Variants in PARN observed in about 807,000 individuals in gnomAD.
PARN encodes the protein poly(A)-specific ribonuclease.
In PARN, 71 loss-of-function variants were observed where a neutral mutation model predicts 102.8. The ratio of observed to expected loss-of-function variants is 0.69; its 90% CI spans 0.57 to 0.84. The LOEUF is 0.84. Among genes scored for constraint, PARN ranks in the 40% least tolerant of loss-of-function variants. The pLI is 0.00. For missense variants in PARN, 782 were observed against 760.9 expected (o/e 1.03, Z -0.33); for synonymous variants, 261 against 252.9 (o/e 1.03, Z -0.30).
intron 8 of PARN, 61 bp from the exon 9 acceptor site, chr16:14,608,380 A>C (rs1374040350): frequency 9.5e-7 from 1 of 1,057,160 alleles, no homozygotes; most frequent in Non-Finnish European, 1.4e-6. Context: ...CAAACTGATC[A>C]AGCATTTGTT....
intron 23 of PARN, among the ~76,000 whole-genome samples, chr16:14,440,824 A>C (rs921623631): frequency 6.6e-6 from 1 of 152,222 alleles, no homozygotes; most frequent in Admixed American, 6.5e-5. Context: ...GACAGAAAGA[A>C]GACCAATGGC....
intron 18 of PARN, among the ~76,000 whole-genome samples, chr16:14,574,090 CTTG>C (rs1191831296): frequency 6.6e-6 from 1 of 152,068 alleles, no homozygotes; most frequent in Non-Finnish European, 1.5e-5. Context: ...TCCCTAGAGA[CTTG>C]TTGAATGGTT....
intron 18 of PARN, among the ~76,000 whole-genome samples, chr16:14,579,965 AGAGT>A (rs1442388961): frequency 2.0e-5 from 3 of 150,826 alleles, no homozygotes; most frequent in South Asian, 2.1e-4. Context: ...CCTGGGTGAC[AGAGT>A]GAGACACCAT....
intron 22 of PARN, among the ~76,000 whole-genome samples, chr16:14,465,146 C>G (rs1391182987): frequency 1.3e-5 from 2 of 152,162 alleles, no homozygotes; most frequent in Non-Finnish European, 2.9e-5. Flanking sequence ...CAGCTCACTG[C>G]AGCTTCAACC....
At chr16:14,452,831 G>C (rs752706275) in intron 22 of PARN, among the ~76,000 whole-genome samples, 1 of 152,184 alleles carries the variant, frequency 6.6e-6, no homozygotes, top group African/African-American at 2.4e-5. Flanking sequence ...AATAAAAGCT[G>C]TGATTATATC....
intron 9 of PARN, among the ~76,000 whole-genome samples, chr16:14,606,781 A>ATT (rs373632720): frequency 1.3e-4 from 17 of 132,028 alleles, no homozygotes; most frequent in Admixed American, 7.6e-4. Flanking sequence ...GGTATTTTCT[A>ATT]TTTTTTTTTT....
intron 22 of PARN, among the ~76,000 whole-genome samples, chr16:14,456,826 C>A (rs943325883): frequency 2.6e-5 from 4 of 152,176 alleles, no homozygotes; most frequent in African/African-American, 9.7e-5. Flanking sequence ...CCGCACCATC[C>A]CCACGGAGGA....
At chr16:14,528,086 T>C (rs1966105490) in intron 21 of PARN, among the ~76,000 whole-genome samples, 2 of 152,214 alleles carry the variant, frequency 1.3e-5, no homozygotes, top group Middle Eastern at 3.2e-3. Context: ...GGACTGACTG[T>C]ATTTTTAAAA....
At chr16:14,620,101 G>A in intron 5 of PARN, among the ~76,000 whole-genome samples, 1 of 139,610 alleles carries the variant, frequency 7.2e-6, no homozygotes, top group Non-Finnish European at 1.5e-5. Flanking sequence ...ACACTGGCCG[G>A]GCACAGTGGC....
rs200434143 is a variant in PARN, at chr16:14,446,967, A to C, written c.1785T>G (p.Asp595Glu). The change falls in exon 23 of 24, where the codon GAT becomes GAG. Residue 595 changes from aspartate (D) to glutamate (E), a missense_variant. Asp to Glu is a conservative substitution (Grantham distance 45). Transcript: ENST00000437198. ...CCTCTGAGAGGGGCTCTGCACAGGAATCGGTCTGCTCAAGCTCAGTGTCGG... is the reference window on the plus strand; with the variant it reads ...CCTCTGAGAGGGGCTCTGCACAGGACTCGGTCTGCTCAAGCTCAGTGTCGG... ...EISDTELEQT[D>E]SCAEPLSEGR... is the part of the protein sequence containing the mutation. 360 of 1,613,682 alleles carry C rather than the reference A, an allele frequency of 2.2e-4. No homozygotes were observed. The highest frequency in any genetic ancestry group is 8.2e-4 in the Middle Eastern group (5 of 6,084).
At chr16:14,562,498 A>G (rs184283835) in intron 18 of PARN, among the ~76,000 whole-genome samples, 29 of 151,882 alleles carry the variant, frequency 1.9e-4, no homozygotes, top group Non-Finnish European at 3.8e-4. Context: ...AATACCAAGG[A>G]CTACCTCAAA....
intron 22 of PARN, among the ~76,000 whole-genome samples, chr16:14,466,378 T>A (rs1158083719): frequency 6.6e-6 from 1 of 152,198 alleles, no homozygotes; most frequent in Non-Finnish European, 1.5e-5. Flanking sequence ...ATTCACTCAA[T>A]ATGTGAAAAA....
intron 21 of PARN, among the ~76,000 whole-genome samples, chr16:14,487,679 A>G (rs934221085): frequency 6.6e-6 from 1 of 152,242 alleles, no homozygotes; most frequent in African/African-American, 2.4e-5. Flanking sequence ...AAAGTAAGAA[A>G]AAAAAATCTC....
chr16:14,585,142 T>C (rs1408897096), intron 14 of PARN, among the ~76,000 whole-genome samples: 1 of 152,210 alleles, frequency 6.6e-6, no homozygotes, highest in Non-Finnish European at 1.5e-5. Flanking sequence ...TACTCTCACA[T>C]GGTTTTACGT....
intron 12 of PARN, among the ~76,000 whole-genome samples, chr16:14,594,708 T>C (rs962750388): frequency 6.6e-6 from 1 of 152,150 alleles, no homozygotes; most frequent in Non-Finnish European, 1.5e-5. Flanking sequence ...AGTCAGACTC[T>C]GTCTTGGAAA....
At position 14,446,951 on chromosome 16, in the gene PARN, G is replaced by A; in HGVS notation, c.1801C>T (p.Leu601Phe). ...TTGGCCTTTTTCCTTCCCTCTGAGA[G>A]GGGCTCTGCACAGGAATCGGTCTGC... ...LEQTDSCAEP[L>F]SEGRKKAKKL... The change falls in exon 23 of 24, where the codon CTC (leucine) becomes TTC (phenylalanine). Residue 601 changes from leucine (L) to phenylalanine (F), a missense_variant. Transcript: ENST00000437198. 2 of 1,613,668 alleles carry A rather than the reference G, an allele frequency of 1.2e-6. No individual in the cohort carries two copies. The highest frequency in any genetic ancestry group is 1.7e-6 in the Non-Finnish European group (2 of 1,179,728).
At chr16:14,512,914 A>G (rs954857041) in intron 21 of PARN, among the ~76,000 whole-genome samples, 2 of 152,150 alleles carry the variant, frequency 1.3e-5, no homozygotes, top group African/African-American at 4.8e-5. Context: ...TACCAGAAGC[A>G]CTTAAGAAAT....
chr16:14,466,083 C>G (rs1962330075), intron 22 of PARN, among the ~76,000 whole-genome samples: 1 of 152,128 alleles, frequency 6.6e-6, no homozygotes, highest in African/African-American at 2.4e-5. Flanking sequence ...ATCTGTACAA[C>G]AAACTTCTGT....
At chr16:14,521,355 T>A (rs1277950936) in intron 21 of PARN, among the ~76,000 whole-genome samples, 1 of 152,172 alleles carries the variant, frequency 6.6e-6, no homozygotes, top group Non-Finnish European at 1.5e-5. Context: ...GGTCCCTGCG[T>A]CACCCCATCC....
Sources: gnomAD v4.1 joint callset for allele counts (sites outside exome capture counted in the v4.1 genomes callset) on GRCh38, gnomAD v4.1.1 for gene constraint, MANE v1.5 for transcripts, NCBI Gene and HGNC (gene_info 2026-07-23, HGNC 2026-07-21) for gene names.